Variants in SHC2 observed in about 807,000 individuals in gnomAD.
The protein encoded by SHC2 is SHC adaptor protein 2, also known as SHC-transforming protein 2.
SHC2 carries 62 observed loss-of-function variants against 60.6 expected under a neutral mutation model. That is an observed-to-expected ratio of 1.02 (90% CI 0.83 to 1.26). The LOEUF (loss-of-function observed/expected upper bound fraction) is 1.26, where lower values mean the gene tolerates loss of function less well. Among genes scored for constraint, SHC2 ranks in the 50% most tolerant of loss-of-function variants. SHC2 has a pLI of 0.00. For synonymous variants in SHC2, 375 were observed against 372.4 expected, an observed-to-expected ratio of 1.01 and a Z score of -0.08; for missense variants, 873 against 822.2, an observed-to-expected ratio of 1.06 and a Z score of -0.76.
intron 9 of SHC2, among the ~76,000 whole-genome samples, chr19:429,499 A>C (rs1974509843): frequency 6.7e-6 from 1 of 149,412 alleles, no homozygotes; most frequent in South Asian, 2.2e-4. Flanking sequence ...CCTATACCCA[A>C]CGTGCACGGA....
chr19:439,443 C>G (rs529842262), intron 2 of SHC2: 2 of 233,690 alleles, frequency 8.6e-6, no homozygotes, highest in Admixed American at 1.0e-4. Context: ...CTGAGCCTGA[C>G]GCGGGGTCCG....
Position 446,147 on chromosome 19 carries a change from C to T in SHC2, c.469-5215G>A, listed in dbSNP as rs1820915778. Reference sequence around the variant, plus strand: ...CGTGTGCAGCCGAGGACACCAAGGCCGGCCCCCAGGCACCAGACACGGGAG... The same window carrying T: ...CGTGTGCAGCCGAGGACACCAAGGCTGGCCCCCAGGCACCAGACACGGGAG... On this transcript the variant is annotated intron_variant, in intron 1 of 12. Coordinates refer to ENST00000264554, the MANE Select transcript of SHC2 (RefSeq NM_012435.3). This position sits in a 1 kb window ranked among gnomAD's most constrained non-coding sequence, Gnocchi z 5.4. Among the ~76,000 whole-genome samples the T allele has an allele frequency of 6.6e-6, 1 of 152,176 alleles. No homozygotes were observed. The highest frequency in any genetic ancestry group is 1.9e-4 in the East Asian group (1 of 5,178).
In SHC2 at chr19:434,689, C is replaced by A; in HGVS notation, c.1110+20G>T. Reference sequence around the variant, plus strand: ...AGCTGGGGCATCCCTGTCCCCATCCCCCCGAGGGCAGAGGCTGACCTGGTC... The same window carrying A: ...AGCTGGGGCATCCCTGTCCCCATCCACCCGAGGGCAGAGGCTGACCTGGTC... On this transcript the variant is annotated intron_variant, in intron 8 of 12. Transcript: ENST00000264554. 1 of 1,594,644 alleles carries A rather than the reference C, an allele frequency of 6.3e-7. No individual in the cohort carries two copies. The highest frequency in any genetic ancestry group is 1.1e-5 in the South Asian group (1 of 89,440).
rs879799124 is a variant in SHC2, at chr19:436,005, G to A, written c.953+160C>T. 9 of 765,706 alleles carry A rather than the reference G, an allele frequency of 1.2e-5. No homozygotes were observed. In the East Asian group the frequency reaches 1.9e-4, roughly 16 times the overall value. The allele number at this position is 765,706 out of a possible 1,614,324, so 47.4% of individuals were successfully genotyped here. A position where few individuals can be genotyped will look rare whatever the true frequency, so the allele number is the denominator to read the frequency against. On this transcript the variant is annotated intron_variant, in intron 7 of 12. Transcript: ENST00000264554. The stretch of plus-strand genomic sequence containing the variant: ...TGCGTTTACTCGGGTGTTAACAGCC[G>A]AGGAAACAGGATCCTCTGGCTGAGC...
rs374177857 is a variant in SHC2 at position 440,820 on chromosome 19, G to A, written c.539+42C>T. 299 of 1,561,558 alleles carry A rather than the reference G, an allele frequency of 1.9e-4. 1 individual carries two copies. The highest frequency in any genetic ancestry group is 8.4e-4 in the South Asian group (76 of 90,036). ...CTCCAGTGCTGCCGCCCTCCAGTGC[G>A]TCACTCAGCCCTACGCGGCCAGGGC... On this transcript the variant is annotated intron_variant, in intron 2 of 12. Transcript: ENST00000264554. The surrounding 1 kb of genome is among the most constrained non-coding windows in gnomAD (Gnocchi z 7.0).
rs12463385 is a variant in SHC2 at position 441,457 on chromosome 19, A to C, written c.469-525T>G. Among the ~76,000 whole-genome samples the C allele has an allele frequency of 6.6e-6, 1 of 152,132 alleles. No individual in the cohort carries two copies. Among genetic ancestry groups the C allele is most frequent in the East Asian group, 1.9e-4 (1 of 5,158 alleles). On this transcript the variant is annotated intron_variant, in intron 1 of 12. Transcript: ENST00000264554. This position sits in a 1 kb window ranked among gnomAD's most constrained non-coding sequence, Gnocchi z 4.9. ...GGAATTCACCATCTCAATGACTGAT[A>C]ATACTGAGGGACGAGAGGGGCAGAG...
At chr19:457,276 C>T (rs1488296797) in intron 1 of SHC2, among the ~76,000 whole-genome samples, 1 of 148,560 alleles carries the variant, frequency 6.7e-6, no homozygotes, top group Non-Finnish European at 1.5e-5. Context: ...CTGCAAACCC[C>T]ACCACATCAG....
At chr19:450,244 G>A (rs1975147669) in intron 1 of SHC2, among the ~76,000 whole-genome samples, 1 of 152,236 alleles carries the variant, frequency 6.6e-6, no homozygotes, top group African/African-American at 2.4e-5. Flanking sequence ...CATCTTGTGG[G>A]GAAAGCCTTC....
chr19:460,788 C>G lies in SHC2; in HGVS notation c.209G>C (p.Gly70Ala). The G allele has an allele frequency of 1.0e-6, 1 of 979,602 alleles. No individual in the cohort carries two copies. The highest frequency in any genetic ancestry group is 1.2e-6 in the Non-Finnish European group (1 of 827,530). The allele number at this position is 979,602 out of a possible 1,614,324, so 60.7% of individuals were successfully genotyped here. The change falls in exon 1 of 13, where the codon GGG becomes GCG. Residue 70 changes from glycine (G) to alanine (A), a missense_variant. By Grantham distance (60) the Gly-to-Ala change is moderately conservative. Transcript: ENST00000264554. Reference protein sequence around the residue: ...ADPQPEPAGPGGVPALAAAVL... With the variant: ...ADPQPEPAGPAGVPALAAAVL... The stretch of plus-strand genomic sequence containing the variant: ...GGCGGCCGCCAGCGCCGGGACGCCC[C>G]CCGGGCCCGCCGGCTCGGGTTGGGG...
chr19:454,673 C>T (rs1179225715), intron 1 of SHC2, among the ~76,000 whole-genome samples: 1 of 152,150 alleles, frequency 6.6e-6, no homozygotes, highest in African/African-American at 2.4e-5. Context: ...GCCTGTAGTC[C>T]CAGCTACTCA....
In SHC2 at chr19:425,781, C is replaced by CACTTTGGG. The variant is rs1974401336; in HGVS notation, c.1175-558_1175-551dup. ...TGGTGGCTCACGCCTGTAATCCCAG[C>CACTTTGGG]ACTTTGGGAGGCCGAGGTGGGTGAA... On this transcript the variant is annotated intron_variant, in intron 9 of 12. Transcript: ENST00000264554. The surrounding 1 kb of genome is among the most constrained non-coding windows in gnomAD (Gnocchi z 4.1). Among the ~76,000 whole-genome samples the CACTTTGGG allele has an allele frequency of 2.0e-5, 3 of 152,176 alleles. No homozygotes were observed. The highest frequency in any genetic ancestry group is 7.2e-5 in the African/African-American group (3 of 41,434).
intron 4 of SHC2, among the ~76,000 whole-genome samples, chr19:437,070 C>T (rs920636471): frequency 4.6e-5 from 7 of 152,140 alleles, no homozygotes; most frequent in Admixed American, 6.5e-5. Context: ...ACGGGAGGGA[C>T]GGCCCCACAC....
At chr19:419,661 C>G (rs1236605787) in intron 11 of SHC2, 2 of 152,282 alleles carry the variant, frequency 1.3e-5, no homozygotes, top group African/African-American at 4.8e-5. Context: ...GAATGAACCT[C>G]TGCTGCTTTA....
chr19:431,276 TTCA>T (rs1284600960), intron 8 of SHC2, among the ~76,000 whole-genome samples: 8 of 151,840 alleles, frequency 5.3e-5, no homozygotes, highest in African/African-American at 1.9e-4. Flanking sequence ...TAGATGGCGC[TTCA>T]TCGTGAGTGA....
Position 441,119 on chromosome 19 carries a change from GC to G in SHC2, c.469-188del. The G allele has an allele frequency of 1.0e-6, 1 of 984,732 alleles. No individual in the cohort carries two copies. Among genetic ancestry groups the G allele is most frequent in the Non-Finnish European group, 1.2e-6 (1 of 829,576 alleles). The allele number at this position is 984,732 out of a possible 1,614,324, so 61.0% of individuals were successfully genotyped here. A position where few individuals can be genotyped will look rare whatever the true frequency, so the allele number is the denominator to read the frequency against. On this transcript the variant is annotated intron_variant, in intron 1 of 12. Coordinates refer to ENST00000264554, the MANE Select transcript of SHC2 (RefSeq NM_012435.3). This position sits in a 1 kb window ranked among gnomAD's most constrained non-coding sequence, Gnocchi z 4.9. Reference sequence around the variant, plus strand: ...CAGCCTTGACACTGTCCTGCGAGCCGCCCCCTCTGACTCCAGGCATGTTTTT... The same window carrying G: ...CAGCCTTGACACTGTCCTGCGAGCCGCCCCTCTGACTCCAGGCATGTTTTT...
In SHC2 at chr19:445,580, A is replaced by T. The variant is rs549478724; in HGVS notation, c.469-4648T>A. On this transcript the variant is annotated intron_variant, in intron 1 of 12. Transcript: ENST00000264554. The surrounding 1 kb of genome is among the most constrained non-coding windows in gnomAD (Gnocchi z 4.4). ...GAGGCCTCATCTCTACAAAAGAAAAATTTTTAATTAGCTGAGCATGGTGAG... is the reference window on the plus strand; with the variant it reads ...GAGGCCTCATCTCTACAAAAGAAAATTTTTTAATTAGCTGAGCATGGTGAG... Among the ~76,000 whole-genome samples the T allele has an allele frequency of 6.6e-6, 1 of 152,060 alleles. No individual in the cohort carries two copies. The highest frequency in any genetic ancestry group is 1.5e-5 in the Non-Finnish European group (1 of 68,020).
intron 12 of SHC2, 91 bp downstream of exon 12, chr19:418,832 G>A (rs373012237): frequency 7.8e-5 from 111 of 1,427,224 alleles, no homozygotes; most frequent in Non-Finnish European, 9.3e-5. Flanking sequence ...AGAGGGAAAG[G>A]CACGGCACGT....
intron 1 of SHC2, among the ~76,000 whole-genome samples, chr19:458,867 A>C (rs1461308798): frequency 6.7e-6 from 1 of 150,228 alleles, no homozygotes; most frequent in Non-Finnish European, 1.5e-5. Context: ...GGTCCTGGGG[A>C]GGCAGAAGCC....
intron 7 of SHC2, 186 bp downstream of exon 7, chr19:435,979 A>T: frequency 3.3e-6 from 2 of 605,588 alleles, no homozygotes; most frequent in Non-Finnish European, 5.7e-6. Context: ...GCAGGCGGGG[A>T]TGCGTTTACT....
Sources: allele counts gnomAD v4.1 joint callset (sites outside exome capture counted in the v4.1 genomes callset), GRCh38; gene constraint gnomAD v4.1.1; non-coding constraint Gnocchi (gnomAD v3.1); transcripts MANE v1.5; gene names NCBI Gene and HGNC (gene_info 2026-07-23, HGNC 2026-07-21).